Variants in ZMIZ1 observed in about 807,000 individuals in gnomAD.
The protein encoded by ZMIZ1 is zinc finger MIZ-type containing 1.
ZMIZ1 carries 17 observed loss-of-function variants against 113.9 expected under a neutral mutation model. The ratio of observed to expected loss-of-function variants is 0.15; its 90% CI spans 0.10 to 0.22. The LOEUF (loss-of-function observed/expected upper bound fraction) is 0.22, where lower values mean the gene tolerates loss of function less well. Ranked by LOEUF, ZMIZ1 falls within the 10% of genes least tolerant of loss-of-function variation. The pLI, the probability that ZMIZ1 is intolerant of heterozygous loss-of-function variation, is 1.00. For missense variants in ZMIZ1, 1,059 were observed against 1,477.8 expected (o/e 0.72, Z 4.65); for synonymous variants, 607 against 603.1 (o/e 1.01, Z -0.09).
chr10:79,111,871 GGTTT>G (rs1051642671), intron 1 of ZMIZ1, among the ~76,000 whole-genome samples: 9 of 152,238 alleles, frequency 5.9e-5, no homozygotes, highest in African/African-American at 1.2e-4. Context: ...GAGCTGGGGT[GGTTT>G]GTTTGAGTGT....
At chr10:79,096,051 C>T (rs1171216471) in intron 1 of ZMIZ1, among the ~76,000 whole-genome samples, 1 of 152,176 alleles carries the variant, frequency 6.6e-6, no homozygotes, top group African/African-American at 2.4e-5. Context: ...AGTTGCGGGG[C>T]TGGGATTTGG....
intron 7 of ZMIZ1, among the ~76,000 whole-genome samples, chr10:79,275,657 G>A (rs76360984): frequency 0.033 from 5,100 of 152,312 alleles, 129 homozygotes; most frequent in Middle Eastern, 0.058. Context: ...CAGAGGGGCT[G>A]GGGAGCTGTG....
intron 1 of ZMIZ1, among the ~76,000 whole-genome samples, chr10:79,075,718 TC>T (rs537676581): frequency 6.6e-6 from 1 of 152,170 alleles, no homozygotes; most frequent in South Asian, 2.1e-4. Flanking sequence ...CTCTCCGTCC[TC>T]CCCCACCACT....
At chr10:79,193,907 G>T (rs1847718126) in intron 4 of ZMIZ1, among the ~76,000 whole-genome samples, 1 of 152,208 alleles carries the variant, frequency 6.6e-6, no homozygotes, top group Non-Finnish European at 1.5e-5. Flanking sequence ...AGGCCGAAAA[G>T]GATCCCAACT....
chr10:79,168,788 A>G (rs1293789993), intron 4 of ZMIZ1, among the ~76,000 whole-genome samples: 1 of 152,170 alleles, frequency 6.6e-6, no homozygotes, highest in African/African-American at 2.4e-5. Flanking sequence ...AGGAGAGAAG[A>G]GGCAGGGACC....
chr10:79,243,779 G>C, intron 7 of ZMIZ1: 1 of 213,302 alleles, frequency 4.7e-6, no homozygotes, highest in Non-Finnish European at 9.9e-6. Flanking sequence ...GGGCGCCCAC[G>C]GGCCGGGCCC....
chr10:79,164,329 C>T (rs1010992918), intron 4 of ZMIZ1, among the ~76,000 whole-genome samples: 1 of 152,230 alleles, frequency 6.6e-6, no homozygotes, highest in Non-Finnish European at 1.5e-5. Context: ...CTGAAAAGAA[C>T]ATTGAATGAA....
chr10:79,236,368 A>G (rs1409968345), intron 7 of ZMIZ1, among the ~76,000 whole-genome samples: 1 of 152,198 alleles, frequency 6.6e-6, no homozygotes, highest in Non-Finnish European at 1.5e-5. Flanking sequence ...GTCCGGCAGG[A>G]AGGCAAACTG....
intron 23 of ZMIZ1, among the ~76,000 whole-genome samples, chr10:79,308,238 G>A (rs1167479629): frequency 6.6e-6 from 1 of 152,178 alleles, no homozygotes; most frequent in Non-Finnish European, 1.5e-5. Context: ...TTTAACAAGC[G>A]TTTTTTGAGC....
rs145811427 is a variant in ZMIZ1, at chr10:79,220,610, G to T, written c.280+4336G>T. Reference sequence around the variant, plus strand: ...GTGCCTGTGCAGTTCTGCCCTCCCAGGGCTCCCTGCTCCTTTCTTTCTTTG... The same window carrying T: ...GTGCCTGTGCAGTTCTGCCCTCCCATGGCTCCCTGCTCCTTTCTTTCTTTG... On this transcript the variant is annotated intron_variant, in intron 7 of 24. Coordinates refer to ENST00000334512, the MANE Select transcript of ZMIZ1 (RefSeq NM_020338.4). 9.3e-4 allele frequency among the ~76,000 whole-genome samples: 142 copies of T among 152,298 alleles called. 1 individual carries two copies. Among genetic ancestry groups the T allele is most frequent in the Admixed American group, 1.6e-3 (24 of 15,298 alleles).
chr10:79,111,915 A>G (rs1334555062), intron 1 of ZMIZ1, among the ~76,000 whole-genome samples: 1 of 152,246 alleles, frequency 6.6e-6, no homozygotes, highest in Non-Finnish European at 1.5e-5. Context: ...AATTCAGTCT[A>G]GTGTAAAGTG....
At chr10:79,299,302 A>T in intron 16 of ZMIZ1, 111 bp downstream of exon 16, 1 of 1,418,026 alleles carries the variant, frequency 7.1e-7, no homozygotes, top group Non-Finnish European at 9.4e-7. Context: ...ATCTTCTGAC[A>T]CCTTCACGTG....
chr10:79,086,383 T>A (rs1235830638), intron 1 of ZMIZ1, among the ~76,000 whole-genome samples: 2 of 152,246 alleles, frequency 1.3e-5, no homozygotes, highest in African/African-American at 4.8e-5. Flanking sequence ...TAAAGCCTGA[T>A]GAGTTCTTGA....
At chr10:79,312,524 T>A (rs1564611981) in intron 24 of ZMIZ1, 118 bp from the exon 25 acceptor site, 2 of 1,051,874 alleles carry the variant, frequency 1.9e-6, no homozygotes, top group East Asian at 4.7e-5. Context: ...CCCCTTTTTT[T>A]GGCTAGGGTC....
In ZMIZ1 at chr10:79,162,081, G is replaced by T; in HGVS notation, c.-102G>T. Reference sequence around the variant, plus strand: ...GATGGAGCTGGAGTGAGGTGGAGGGGCCGCAAGCTGCTGACCGGCGTGTGG... The same window carrying T: ...GATGGAGCTGGAGTGAGGTGGAGGGTCCGCAAGCTGCTGACCGGCGTGTGG... On this transcript the variant is annotated 5_prime_UTR_variant, in exon 4 of 25. Transcript: ENST00000334512. 2.5e-6 allele frequency: 1 copy of T among 399,332 alleles called. No homozygotes were observed. Among genetic ancestry groups the T allele is most frequent in the Non-Finnish European group, 4.4e-6 (1 of 226,264 alleles). The allele number at this position is 399,332 out of a possible 1,614,324, so 24.7% of individuals were successfully genotyped here.
intron 1 of ZMIZ1, among the ~76,000 whole-genome samples, chr10:79,111,394 G>T (rs938425006): frequency 2.0e-5 from 3 of 152,250 alleles, no homozygotes; most frequent in African/African-American, 7.2e-5. Context: ...AAGGACAGAA[G>T]TGTGTGGGCA....
chr10:79,298,685 G>A, intron 15 of ZMIZ1, 105 bp downstream of exon 15: 1 of 1,112,968 alleles, frequency 9.0e-7, no homozygotes, highest in Non-Finnish European at 1.3e-6. Context: ...CATCAGAAGG[G>A]GCAGAGAGTT....
chr10:79,178,970 C>T (rs536497732), intron 4 of ZMIZ1, among the ~76,000 whole-genome samples: 3 of 152,342 alleles, frequency 2.0e-5, no homozygotes, highest in African/African-American at 2.4e-5. Flanking sequence ...GCCCAGGTTC[C>T]ACCTCCAGAG....
intron 1 of ZMIZ1, among the ~76,000 whole-genome samples, chr10:79,096,226 C>T (rs1387588195): frequency 6.6e-6 from 1 of 152,096 alleles, no homozygotes; most frequent in Non-Finnish European, 1.5e-5. Flanking sequence ...AATGAGATGT[C>T]TAGGCTGGGC....
Sources: allele counts gnomAD v4.1 joint callset (sites outside exome capture counted in the v4.1 genomes callset), GRCh38; gene constraint gnomAD v4.1.1; transcripts MANE v1.5; gene names NCBI Gene and HGNC (gene_info 2026-07-23, HGNC 2026-07-21).